The following NEO1 variants were observed in gnomAD, a reference collection of about 807,000 sequenced individuals.
NEO1 encodes the protein neogenin 1.
NEO1 carries 63 observed loss-of-function variants against 159.7 expected under a neutral mutation model. The ratio of observed to expected loss-of-function variants is 0.39; its 90% CI spans 0.32 to 0.49. NEO1 has a LOEUF of 0.49. Ranked by LOEUF, NEO1 falls within the 20% of genes least tolerant of loss-of-function variation. NEO1 has a pLI of 0.85. For missense variants in NEO1, 1,615 were observed against 1,831.0 expected, an observed-to-expected ratio of 0.88 and a Z score of 2.15; for synonymous variants, 633 against 662.0, an observed-to-expected ratio of 0.96 and a Z score of 0.67.
intron 1 of NEO1, among the ~76,000 whole-genome samples, chr15:73,094,464 T>C (rs1267574992): frequency 6.6e-6 from 1 of 152,234 alleles, no homozygotes; most frequent in African/African-American, 2.4e-5. Context: ...TAATCATTAG[T>C]TGAAGGACAT....
At chr15:73,072,564 A>G (rs531309202) in intron 1 of NEO1, among the ~76,000 whole-genome samples, 28 of 152,282 alleles carry the variant, frequency 1.8e-4, no homozygotes, top group African/African-American at 6.5e-4. Flanking sequence ...TGTCCTGGTA[A>G]AGTTCACACT....
At chr15:73,233,601 A>C (rs1356138189) in intron 7 of NEO1, among the ~76,000 whole-genome samples, 1 of 152,204 alleles carries the variant, frequency 6.6e-6, no homozygotes, top group Non-Finnish European at 1.5e-5. Context: ...TCGTGGAAGT[A>C]ATACAATGTA....
chr15:73,098,600 C>G (rs1355495658), intron 1 of NEO1, among the ~76,000 whole-genome samples: 1 of 152,180 alleles, frequency 6.6e-6, no homozygotes, highest in African/African-American at 2.4e-5. Context: ...TTGCGTACAA[C>G]TGCATAGTAC....
At chr15:73,302,332 C>T (rs996984272) in intron 28 of NEO1, among the ~76,000 whole-genome samples, 3 of 152,166 alleles carry the variant, frequency 2.0e-5, no homozygotes, top group African/African-American at 7.2e-5. Context: ...GGGGCAGAGA[C>T]CTAGAAGGGG....
At chr15:73,225,099 C>G (rs771562184) in intron 7 of NEO1, among the ~76,000 whole-genome samples, 2 of 152,160 alleles carry the variant, frequency 1.3e-5, no homozygotes, top group Non-Finnish European at 2.9e-5. Flanking sequence ...CCCAGCAAGT[C>G]TATCCAGCTC....
chr15:73,226,980 C>T (rs1175963802), intron 7 of NEO1, among the ~76,000 whole-genome samples: 1 of 152,150 alleles, frequency 6.6e-6, no homozygotes, highest in Non-Finnish European at 1.5e-5. Context: ...TCTGCTTAAC[C>T]AAGGGTGCAA....
At position 73,170,496 on chromosome 15, in the gene NEO1, A is replaced by T. The variant is rs904442055; in HGVS notation, c.1016-5907A>T. Among the ~76,000 whole-genome samples, 3 of 152,222 alleles carry T rather than the reference A, an allele frequency of 2.0e-5. No homozygotes were observed. In the East Asian group the frequency reaches 5.8e-4, roughly 29 times the overall value. On this transcript the variant is annotated intron_variant, in intron 5 of 28. Transcript: ENST00000261908. The stretch of plus-strand genomic sequence containing the variant: ...ATGACCATAAACTGAAGTCCAATAG[A>T]GTCATGTGAAAAAGGACTCAGGAGC...
At chr15:73,212,822 T>C (rs1224740497) in intron 7 of NEO1, among the ~76,000 whole-genome samples, 1 of 152,178 alleles carries the variant, frequency 6.6e-6, no homozygotes, top group Non-Finnish European at 1.5e-5. Context: ...TAGAATACTA[T>C]TCAGCAATTA....
chr15:73,296,687 G>A (rs1267494035), intron 26 of NEO1, among the ~76,000 whole-genome samples: 1 of 152,148 alleles, frequency 6.6e-6, no homozygotes, highest in African/African-American at 2.4e-5. Context: ...CCGCAGTGGA[G>A]GCCTGAAGTC....
intron 5 of NEO1, among the ~76,000 whole-genome samples, chr15:73,164,609 A>G (rs2151903366): frequency 6.6e-6 from 1 of 152,358 alleles, no homozygotes; most frequent in East Asian, 1.9e-4. Flanking sequence ...TGAAATTGGT[A>G]CAGCCTTTGG....
At chr15:73,299,410 G>A (rs2042515110) in intron 27 of NEO1, among the ~76,000 whole-genome samples, 2 of 150,644 alleles carry the variant, frequency 1.3e-5, no homozygotes, top group South Asian at 4.2e-4. Context: ...ATTTGGGATG[G>A]AGTCTCGCTC....
chr15:73,097,858 T>C (rs1349400736), intron 1 of NEO1, among the ~76,000 whole-genome samples: 1 of 144,860 alleles, frequency 6.9e-6, no homozygotes, highest in African/African-American at 2.7e-5. Context: ...TGGAAAGTGC[T>C]CATTGCCACT....
chr15:73,289,736 A>C (rs2042088693), intron 25 of NEO1, among the ~76,000 whole-genome samples: 1 of 152,160 alleles, frequency 6.6e-6, no homozygotes, highest in Non-Finnish European at 1.5e-5. Context: ...GGAGGCCAGG[A>C]GTTCTAGACC....
At chr15:73,246,459 C>T (rs1241352843) in intron 9 of NEO1, among the ~76,000 whole-genome samples, 2 of 152,150 alleles carry the variant, frequency 1.3e-5, no homozygotes, top group African/African-American at 2.4e-5. Context: ...CCTTCATCAG[C>T]TTTCATATAG....
intron 7 of NEO1, among the ~76,000 whole-genome samples, chr15:73,218,160 C>T (rs1455419881): frequency 2.6e-5 from 4 of 152,112 alleles, no homozygotes; most frequent in African/African-American, 7.2e-5. Flanking sequence ...TGTCAAAGGC[C>T]TTTTCTGCAT....
chr15:73,293,758 T>C (rs771383664), intron 26 of NEO1, among the ~76,000 whole-genome samples: 1 of 152,242 alleles, frequency 6.6e-6, no homozygotes, highest in African/African-American at 2.4e-5. Flanking sequence ...TGCAAGGTTT[T>C]CTTTTAGTAA....
intron 1 of NEO1, among the ~76,000 whole-genome samples, chr15:73,058,565 C>T (rs1319634351): frequency 6.6e-6 from 1 of 152,144 alleles, no homozygotes; most frequent in African/African-American, 2.4e-5. Flanking sequence ...TATAGGATTG[C>T]TGGTGAAAAG....
intron 5 of NEO1, among the ~76,000 whole-genome samples, chr15:73,168,556 A>G (rs2034741709): frequency 6.6e-6 from 1 of 152,082 alleles, no homozygotes; most frequent in Non-Finnish European, 1.5e-5. Flanking sequence ...ATTGAGGGCT[A>G]GGGTAAGGAA....
chr15:73,249,330 A>G (rs560095126), intron 10 of NEO1, 122 bp downstream of exon 10: 54 of 1,172,942 alleles, frequency 4.6e-5, no homozygotes, highest in Non-Finnish European at 6.3e-5. Flanking sequence ...GGAAATGAAA[A>G]GTTGACAGAT....
Sources: gnomAD v4.1 joint callset for allele counts (sites outside exome capture counted in the v4.1 genomes callset) on GRCh38, gnomAD v4.1.1 for gene constraint, MANE v1.5 for transcripts, NCBI Gene and HGNC (gene_info 2026-07-23, HGNC 2026-07-21) for gene names.